The following SCHIP1 variants were observed in gnomAD, a reference collection of about 807,000 sequenced individuals.
SCHIP1 encodes schwannomin-interacting protein 1.
A neutral mutation model predicts 29.7 loss-of-function variants in SCHIP1; 8 were observed. The ratio of observed to expected loss-of-function variants is 0.27; its 90% CI spans 0.16 to 0.49. The LOEUF is 0.49. Among genes scored for constraint, SCHIP1 ranks in the 20% least tolerant of loss-of-function variants. The pLI is 0.99. For missense variants in SCHIP1, 193 were observed against 294.6 expected, an observed-to-expected ratio of 0.66 and a Z score of 2.52; for synonymous variants, 76 against 94.9, an observed-to-expected ratio of 0.80 and a Z score of 1.16.
intron 1 of SCHIP1, among the ~76,000 whole-genome samples, chr3:159,862,816 A>G (rs1428258046): frequency 3.4e-5 from 5 of 148,366 alleles, no homozygotes; most frequent in African/African-American, 1.3e-4. Context: ...AATTTTTTAA[A>G]AAACTTTTTT....
the SCHIP1 span, among the ~76,000 whole-genome samples, chr3:159,675,968 T>C: frequency 6.6e-6 from 1 of 151,998 alleles, no homozygotes; most frequent in Admixed American, 6.6e-5. Context: ...TCCGTCTCTA[T>C]TAAAAATACA....
the SCHIP1 span, among the ~76,000 whole-genome samples, chr3:159,475,499 T>C: frequency 6.6e-6 from 1 of 152,082 alleles, no homozygotes; most frequent in Non-Finnish European, 1.5e-5. Flanking sequence ...TGGAATTAGA[T>C]AGTGGTGATG....
chr3:159,398,934 T>A, the SCHIP1 span: 7 of 982,312 alleles, frequency 7.1e-6, no homozygotes, highest in African/African-American at 1.2e-4. Flanking sequence ...CTTAAATTTG[T>A]AGAGGATTAT....
At chr3:159,604,727 G>A in the SCHIP1 span, among the ~76,000 whole-genome samples, 2 of 152,192 alleles carry the variant, frequency 1.3e-5, no homozygotes, top group African/African-American at 4.8e-5. Context: ...TTCAGACTTT[G>A]TCAGCACATT....
chr3:159,630,445 A>G, the SCHIP1 span, among the ~76,000 whole-genome samples: 1 of 152,292 alleles, frequency 6.6e-6, no homozygotes, highest in African/African-American at 2.4e-5. Context: ...ACCAACGAGT[A>G]TATGTGGATA....
chr3:159,783,219 G>A, the SCHIP1 span, among the ~76,000 whole-genome samples: 1 of 152,196 alleles, frequency 6.6e-6, no homozygotes, highest in Non-Finnish European at 1.5e-5. Flanking sequence ...CACCAAGGTT[G>A]GTTATTTAAC....
At chr3:159,816,201 A>G in the SCHIP1 span, among the ~76,000 whole-genome samples, 1 of 151,880 alleles carries the variant, frequency 6.6e-6, no homozygotes, top group African/African-American at 2.4e-5. Flanking sequence ...CACCTGCCTC[A>G]GCTTCTCAAA....
At chr3:159,819,098 C>G in the SCHIP1 span, among the ~76,000 whole-genome samples, 8 of 152,318 alleles carry the variant, frequency 5.3e-5, no homozygotes, top group East Asian at 1.4e-3. Flanking sequence ...GAGGGTCCTC[C>G]TCATTCACAT....
the SCHIP1 span, among the ~76,000 whole-genome samples, chr3:159,653,260 A>G: frequency 6.6e-6 from 1 of 152,210 alleles, no homozygotes; most frequent in Non-Finnish European, 1.5e-5. Context: ...AGGATTATAA[A>G]TCATTCTACT....
chr3:159,766,226 C>A, the SCHIP1 span, among the ~76,000 whole-genome samples: 2 of 152,092 alleles, frequency 1.3e-5, no homozygotes, highest in Non-Finnish European at 2.9e-5. Flanking sequence ...TTTTGCGACA[C>A]CAGGACCCCG....
the SCHIP1 span, among the ~76,000 whole-genome samples, chr3:159,463,741 G>GATATATATATAGATAT: frequency 6.7e-6 from 1 of 149,438 alleles, no homozygotes; most frequent in Non-Finnish European, 1.5e-5. Context: ...AACAGAATGA[G>GATATATATATAGATAT]ATATATATAT....
chr3:159,539,820 G>A, the SCHIP1 span, among the ~76,000 whole-genome samples: 2 of 86,862 alleles, frequency 2.3e-5, no homozygotes, highest in Admixed American at 2.3e-4. Flanking sequence ...CACCAGATAG[G>A]AAAACAAATA....
the SCHIP1 span, among the ~76,000 whole-genome samples, chr3:159,325,683 T>C: frequency 2.0e-5 from 3 of 151,868 alleles, no homozygotes; most frequent in Non-Finnish European, 4.4e-5. Flanking sequence ...TGAAAATTTC[T>C]TTTTTTTAAT....
the SCHIP1 span, among the ~76,000 whole-genome samples, chr3:159,823,476 C>T: frequency 6.6e-6 from 1 of 152,092 alleles, no homozygotes. Context: ...GGAGTTAATC[C>T]TATGGTAGAG....
rs1440922016 is a variant in SCHIP1 at position 159,842,997 on chromosome 3, C to CTTTTTTTTTTTTTTTTTTT, written c.30+2786_30+2787insTTTTTTTTTTTTTTTTTTT. Among the ~76,000 whole-genome samples the CTTTTTTTTTTTTTTTTTTT allele has an allele frequency of 2.1e-3, 130 of 61,716 alleles. 24 individuals carry two copies. Among genetic ancestry groups the CTTTTTTTTTTTTTTTTTTT allele is most frequent in the East Asian group, 4.9e-3 (12 of 2,430 alleles). The allele number at this position is 61,716 out of a possible 152,430, so 40.5% of individuals were successfully genotyped here. On this transcript the variant is annotated intron_variant, in intron 1 of 6. Transcript: ENST00000445224. ...GCTCTCCAGTTCTATCCCAATATTTCTTTCTTTTTTTTTTTTTTTTTTTTT... is the reference window on the plus strand; with the variant it reads ...GCTCTCCAGTTCTATCCCAATATTTCTTTTTTTTTTTTTTTTTTTTTTCTTTTTTTTTTTTTTTTTTTTT...
chr3:159,414,241 T>TAG, the SCHIP1 span, among the ~76,000 whole-genome samples: 1 of 152,128 alleles, frequency 6.6e-6, no homozygotes, highest in South Asian at 2.1e-4. Context: ...AAAGCTAATA[T>TAG]AGGGAAGGGA....
At chr3:159,791,222 G>A in the SCHIP1 span, among the ~76,000 whole-genome samples, 6 of 152,168 alleles carry the variant, frequency 3.9e-5, no homozygotes, top group Non-Finnish European at 7.3e-5. Flanking sequence ...TGTCATATCA[G>A]CCCAGGGGCC....
At chr3:159,716,953 C>T in the SCHIP1 span, among the ~76,000 whole-genome samples, 1 of 152,204 alleles carries the variant, frequency 6.6e-6, no homozygotes, top group Non-Finnish European at 1.5e-5. Flanking sequence ...CAGCACCACA[C>T]TGCACTTATT....
At chr3:159,355,713 T>C in the SCHIP1 span, among the ~76,000 whole-genome samples, 8 of 149,960 alleles carry the variant, frequency 5.3e-5, no homozygotes, top group Middle Eastern at 0.01. Context: ...ACCCCCTCCC[T>C]GTGGTTACCA....
Sources: gnomAD v4.1 joint callset for allele counts (sites outside exome capture counted in the v4.1 genomes callset) on GRCh38, gnomAD v4.1.1 for gene constraint, MANE v1.5 for transcripts, NCBI Gene and HGNC (gene_info 2026-07-23, HGNC 2026-07-21) for gene names.